ST8SIA2: variants seen among roughly 807,000 people sequenced by gnomAD.
ST8SIA2 encodes alpha-2,8-sialyltransferase 8B.
ST8SIA2 carries 22 observed loss-of-function variants against 37.6 expected under a neutral mutation model. The observed-to-expected ratio is 0.58, with a 90% CI of 0.42 to 0.83. The LOEUF (loss-of-function observed/expected upper bound fraction) is 0.83. ST8SIA2 is among the 40% of genes least tolerant of loss of function. The pLI, the probability that ST8SIA2 is intolerant of heterozygous loss-of-function variation, is 0.00. For missense variants in ST8SIA2, 382 were observed against 484.7 expected (o/e 0.79, Z 1.99); for synonymous variants, 205 against 201.2 (o/e 1.02, Z -0.16).
At position 92,465,909 on chromosome 15, in the gene ST8SIA2, T is replaced by A. The variant is rs2049989009; in HGVS notation, c.*1524T>A. The A allele has an allele frequency of 6.6e-6, 1 of 152,212 alleles. No homozygotes were observed. The highest frequency in any genetic ancestry group is 2.4e-5 in the African/African-American group (1 of 41,446). 9.4% of individuals were successfully genotyped at this position (152,212 alleles called of 1,614,324 possible). ...GCCAGCTTGAATTTGTTAGTCGTAT[T>A]CCTTCACCTGATGAATAACAGTGTT... is the stretch of plus-strand genomic sequence containing the variant. On this transcript the variant is annotated 3_prime_UTR_variant, in exon 6 of 6. Coordinates refer to ENST00000268164, the MANE Select transcript of ST8SIA2 (RefSeq NM_006011.4).
At chr15:92,406,996 A>G (rs1482156820) in intron 1 of ST8SIA2, among the ~76,000 whole-genome samples, 2 of 145,510 alleles carry the variant, frequency 1.4e-5, no homozygotes, top group African/African-American at 5.2e-5. Context: ...CCCTGTCTCA[A>G]AAAAAAAAAA....
intron 1 of ST8SIA2, chr15:92,421,437 G>A (rs1339713021): frequency 6.6e-6 from 1 of 152,134 alleles, no homozygotes; most frequent in Admixed American, 6.5e-5. Context: ...GCCAAAAATA[G>A]AAAAATTCAA....
intron 1 of ST8SIA2, among the ~76,000 whole-genome samples, chr15:92,426,368 A>G (rs1050749143): frequency 2.0e-5 from 3 of 152,158 alleles, no homozygotes; most frequent in Admixed American, 1.3e-4. Context: ...GGGGTGAGGC[A>G]TGGGGGACTC....
At chr15:92,404,188 G>C (rs2049491052) in intron 1 of ST8SIA2, among the ~76,000 whole-genome samples, 1 of 152,246 alleles carries the variant, frequency 6.6e-6, no homozygotes, top group African/African-American at 2.4e-5. Context: ...GTTCTTGCCA[G>C]AGCTGGATTC....
At chr15:92,458,602 T>C (rs1216869800) in intron 5 of ST8SIA2, among the ~76,000 whole-genome samples, 1 of 152,196 alleles carries the variant, frequency 6.6e-6, no homozygotes, top group Non-Finnish European at 1.5e-5. Flanking sequence ...TCTTCCGCAG[T>C]CATAGTTCTT....
At chr15:92,409,544 G>A (rs772517352) in intron 1 of ST8SIA2, among the ~76,000 whole-genome samples, 8 of 152,066 alleles carry the variant, frequency 5.3e-5, no homozygotes, top group East Asian at 1.9e-4. Context: ...TTTTCCGCTC[G>A]ATGATTCTTC....
intron 1 of ST8SIA2, among the ~76,000 whole-genome samples, chr15:92,405,903 T>C (rs1203842602): frequency 6.6e-6 from 1 of 152,182 alleles, no homozygotes; most frequent in Non-Finnish European, 1.5e-5. Flanking sequence ...AAGCCTAAGT[T>C]GCAAGGAGGG....
intron 1 of ST8SIA2, among the ~76,000 whole-genome samples, chr15:92,414,408 C>A (rs1002632722): frequency 2.6e-5 from 4 of 152,222 alleles, no homozygotes; most frequent in African/African-American, 9.6e-5. Flanking sequence ...AGTTTTGACT[C>A]ATCTCAGGTT....
At chr15:92,459,568 G>A (rs559773422) in intron 5 of ST8SIA2, among the ~76,000 whole-genome samples, 35 of 152,334 alleles carry the variant, frequency 2.3e-4, no homozygotes, top group African/African-American at 8.2e-4. Flanking sequence ...GACATGGCCT[G>A]TGGGATCACC....
intron 4 of ST8SIA2, among the ~76,000 whole-genome samples, chr15:92,441,592 C>T (rs2049802625): frequency 6.7e-6 from 1 of 148,912 alleles, no homozygotes; most frequent in African/African-American, 2.5e-5. Flanking sequence ...CACACACACA[C>T]ACACACACAC....
chr15:92,444,681 C>T lies in ST8SIA2; in HGVS notation c.594C>T (p.Leu198=), dbSNP rs139508274. Residue 198 remains leucine (L), a synonymous_variant, in exon 5 of 6, where the codon CTC becomes CTT. Transcript: ENST00000268164. ...PVQEYARDVG[L]KTDLVTMNPS... ...AGGAGTATGCCCGGGATGTGGGGCT[C>T]AAGACAGACCTGGTAACCATGAACC... 786 of 1,614,100 alleles carry T rather than the reference C, an allele frequency of 4.9e-4. 1 individual carries two copies. The highest frequency in any genetic ancestry group is 4.9e-4 in the Non-Finnish European group (574 of 1,180,034).
rs550033083 is a variant in ST8SIA2, at chr15:92,399,280, C to A, written c.98+5118C>A. Among the ~76,000 whole-genome samples the A allele has an allele frequency of 3.3e-5, 5 of 152,272 alleles. No individual in the cohort carries two copies. In the East Asian group the frequency reaches 9.7e-4, roughly 29 times the overall value. ...TAGTAAAGATATTTAACAACTGCTC[C>A]CTCTCCAGCACCAACCTGTTAGAAT... On this transcript the variant is annotated intron_variant, in intron 1 of 5. Coordinates refer to ENST00000268164, the MANE Select transcript of ST8SIA2 (RefSeq NM_006011.4).
intron 1 of ST8SIA2, among the ~76,000 whole-genome samples, chr15:92,418,991 G>A (rs900950752): frequency 6.6e-6 from 1 of 152,130 alleles, no homozygotes; most frequent in African/African-American, 2.4e-5. Context: ...CTTAGCCGCA[G>A]CATGTTTCCT....
rs914209349 is a variant in ST8SIA2 at position 92,467,772 on chromosome 15, A to G, written c.*3387A>G. 2.6e-5 allele frequency: 4 copies of G among 152,764 alleles called. No homozygotes were observed. The highest frequency in any genetic ancestry group is 5.8e-5 in the Non-Finnish European group (4 of 68,392). 9.5% of individuals were successfully genotyped at this position (152,764 alleles called of 1,614,324 possible). Reference sequence around the variant, plus strand: ...TCTCCTGAGTCCCTCCGCACTCTCCATCAGCAACCTCACACCTGCCTTCAG... The same window carrying G: ...TCTCCTGAGTCCCTCCGCACTCTCCGTCAGCAACCTCACACCTGCCTTCAG... On this transcript the variant is annotated 3_prime_UTR_variant, in exon 6 of 6. Transcript: ENST00000268164.
chr15:92,396,546 T>C lies in ST8SIA2; in HGVS notation c.98+2384T>C, dbSNP rs28516751. 3.3e-3 allele frequency among the ~76,000 whole-genome samples: 506 copies of C among 151,862 alleles called. 2 individuals carry two copies. Among genetic ancestry groups the C allele is most frequent in the African/African-American group, 0.011 (466 of 41,378 alleles). ...TCTCATTCTGTCGCCCAGGATGGAGTGCAGTGGCACAATCTCGGCTCACTG... is the reference window on the plus strand; with the variant it reads ...TCTCATTCTGTCGCCCAGGATGGAGCGCAGTGGCACAATCTCGGCTCACTG... On this transcript the variant is annotated intron_variant, in intron 1 of 5. Transcript: ENST00000268164.
intron 1 of ST8SIA2, among the ~76,000 whole-genome samples, chr15:92,412,358 G>A (rs2049555863): frequency 6.6e-6 from 1 of 152,220 alleles, no homozygotes; most frequent in East Asian, 1.9e-4. Context: ...AGGGGAAGAG[G>A]AGGGATGAAG....
At chr15:92,422,525 ACAGACCC>A (rs1321645514) in intron 1 of ST8SIA2, 2 of 152,276 alleles carry the variant, frequency 1.3e-5, no homozygotes, top group African/African-American at 4.8e-5. Context: ...GGTGAATCAG[ACAGACCC>A]CATGATGGAA....
chr15:92,397,934 A>C (rs1186830139), intron 1 of ST8SIA2, among the ~76,000 whole-genome samples: 1 of 152,152 alleles, frequency 6.6e-6, no homozygotes, highest in African/African-American at 2.4e-5. Context: ...GGAGTTCGAG[A>C]CCAGACTGGC....
chr15:92,432,860 G>A (rs1351488773), intron 2 of ST8SIA2, among the ~76,000 whole-genome samples: 1 of 152,166 alleles, frequency 6.6e-6, no homozygotes. Context: ...GGCCAAGCAT[G>A]GTGGCTCATG....
Sources: allele counts gnomAD v4.1 joint callset (sites outside exome capture counted in the v4.1 genomes callset), GRCh38; gene constraint gnomAD v4.1.1; transcripts MANE v1.5; gene names NCBI Gene and HGNC (gene_info 2026-07-23, HGNC 2026-07-21).